Variants in SLIT2 observed in about 807,000 individuals in gnomAD.
SLIT2 encodes slit homolog 2 protein.
In SLIT2, 41 loss-of-function variants were observed where a neutral mutation model predicts 185.7. That is an observed-to-expected ratio of 0.22 (90% CI 0.17 to 0.29). SLIT2 has a LOEUF of 0.29. Ranked by LOEUF, SLIT2 falls within the 10% of genes least tolerant of loss-of-function variation. The pLI, the probability that SLIT2 is intolerant of heterozygous loss-of-function variation, is 1.00. For missense variants in SLIT2, 1,571 were observed against 1,909.0 expected, an observed-to-expected ratio of 0.82 and a Z score of 3.30; for synonymous variants, 693 against 680.2, an observed-to-expected ratio of 1.02 and a Z score of -0.29.
intron 4 of SLIT2, among the ~76,000 whole-genome samples, chr4:20,402,026 C>G (rs113042171): frequency 7.9e-5 from 12 of 151,582 alleles, no homozygotes; most frequent in African/African-American, 2.7e-4. Flanking sequence ...CTCCTTTGCT[C>G]TAGGGGAAAG....
intron 5 of SLIT2, among the ~76,000 whole-genome samples, chr4:20,470,222 A>G (rs552224986): frequency 5.9e-5 from 9 of 152,306 alleles, no homozygotes; most frequent in South Asian, 4.1e-4. Context: ...TAAAAAATGC[A>G]TCATAAGGGG....
intron 4 of SLIT2, among the ~76,000 whole-genome samples, chr4:20,356,626 C>T (rs189590730): frequency 1.3e-5 from 2 of 152,154 alleles, no homozygotes; most frequent in African/African-American, 4.8e-5. Context: ...GTATTTCTCC[C>T]TGTATTACTC....
Position 20,425,360 on chromosome 4 carries a change from C to G in SLIT2, c.396-42392C>G, listed in dbSNP as rs543993049. On this transcript the variant is annotated intron_variant, in intron 4 of 36. Transcript: ENST00000504154. The stretch of plus-strand genomic sequence containing the variant: ...CCAGCCTGGGAGATAGAGCGAGACA[C>G]TATCAAAAAAATAAATAAATAAACA... Among the ~76,000 whole-genome samples the G allele has an allele frequency of 4.6e-5, 7 of 152,112 alleles. No homozygotes were observed. The East Asian group carries it at 1.2e-3, about 25-fold the overall frequency.
At chr4:20,513,740 G>C (rs577318436) in intron 11 of SLIT2, among the ~76,000 whole-genome samples, 47 of 151,764 alleles carry the variant, frequency 3.1e-4, no homozygotes, top group African/African-American at 1.1e-3. Flanking sequence ...TGTGGTTGGC[G>C]GGGGGAAGCT....
At chr4:20,486,372 G>A (rs1203400966) in intron 7 of SLIT2, 101 bp downstream of exon 7, 2 of 693,764 alleles carry the variant, frequency 2.9e-6, no homozygotes, top group South Asian at 1.9e-5. Flanking sequence ...GGTTTACAAG[G>A]TAGACAAGGA....
chr4:20,323,602 A>G (rs1395624973), intron 4 of SLIT2, among the ~76,000 whole-genome samples: 2 of 152,216 alleles, frequency 1.3e-5, no homozygotes, highest in Non-Finnish European at 2.9e-5. Flanking sequence ...AACATATACA[A>G]TACCGGCCTC....
intron 3 of SLIT2, among the ~76,000 whole-genome samples, chr4:20,266,680 G>A (rs1331621272): frequency 2.0e-5 from 3 of 151,990 alleles, no homozygotes; most frequent in Non-Finnish European, 4.4e-5. Flanking sequence ...GGGAAGAAGG[G>A]AGGGAATACA....
intron 4 of SLIT2, among the ~76,000 whole-genome samples, chr4:20,355,977 A>T (rs1172164084): frequency 6.6e-6 from 1 of 152,154 alleles, no homozygotes; most frequent in Non-Finnish European, 1.5e-5. Flanking sequence ...CTAGCATTAT[A>T]AAAAATATAA....
chr4:20,448,858 G>C (rs1480031109), intron 4 of SLIT2, among the ~76,000 whole-genome samples: 2 of 151,842 alleles, frequency 1.3e-5, no homozygotes, highest in African/African-American at 4.8e-5. Context: ...GGATGGTCTC[G>C]ATCTCTTGAC....
chr4:20,502,189 A>G (rs1253619543), intron 9 of SLIT2, among the ~76,000 whole-genome samples: 2 of 152,220 alleles, frequency 1.3e-5, no homozygotes, highest in East Asian at 3.8e-4. Flanking sequence ...GTTGAGAAGT[A>G]AAACTGAATA....
chr4:20,486,358 C>T lies in SLIT2; in HGVS notation c.611+87C>T, dbSNP rs922572250. The T allele has an allele frequency of 5.2e-6, 4 of 763,092 alleles. No individual in the cohort carries two copies. In the African/African-American group the frequency reaches 5.3e-5, roughly 10 times the overall value. The allele number at this position is 763,092 out of a possible 1,614,324, so 47.3% of individuals were successfully genotyped here. A position where few individuals can be genotyped will look rare whatever the true frequency, so the allele number is the denominator to read the frequency against. On this transcript the variant is annotated intron_variant, in intron 7 of 36. Coordinates refer to ENST00000504154, the MANE Select transcript of SLIT2 (RefSeq NM_004787.4). The stretch of plus-strand genomic sequence containing the variant: ...ATGTTCAGTAAGCAAAGGACAGGAC[C>T]ACTGGTTTACAAGGTAGACAAGGAA...
At chr4:20,274,987 G>A (rs769893826) in intron 4 of SLIT2, among the ~76,000 whole-genome samples, 2 of 152,038 alleles carry the variant, frequency 1.3e-5, no homozygotes, top group Admixed American at 6.6e-5. Flanking sequence ...TTCATTGAGA[G>A]TGATCAAATA....
intron 9 of SLIT2, among the ~76,000 whole-genome samples, chr4:20,493,862 A>T (rs1577779581): frequency 6.6e-6 from 1 of 152,244 alleles, no homozygotes; most frequent in African/African-American, 2.4e-5. Flanking sequence ...TAGTGAATGA[A>T]ACTACAGAGA....
At chr4:20,494,863 G>A (rs6844933) in intron 9 of SLIT2, among the ~76,000 whole-genome samples, 3,631 of 151,980 alleles carry the variant, frequency 0.024, 111 homozygotes, top group African/African-American at 0.07. Flanking sequence ...AAATTTTGGA[G>A]TAATTAACAT....
intron 12 of SLIT2, among the ~76,000 whole-genome samples, chr4:20,520,359 TTGG>T (rs1720733416): frequency 1.3e-5 from 2 of 152,198 alleles, no homozygotes; most frequent in African/African-American, 4.8e-5. Context: ...ATATTAAAAC[TTGG>T]TGGTTAATCA....
intron 4 of SLIT2, among the ~76,000 whole-genome samples, chr4:20,354,902 T>TGAGAGAGAGAGA (rs766444200): frequency 1.9e-5 from 2 of 106,422 alleles, no homozygotes; most frequent in African/African-American, 3.1e-5. Context: ...TGTGTGTGTG[T>TGAGAGAGAGAGA]GTGTGAGAGA....
intron 4 of SLIT2, among the ~76,000 whole-genome samples, chr4:20,278,083 A>G (rs1200594490): frequency 6.6e-5 from 10 of 152,132 alleles, no homozygotes; most frequent in African/African-American, 2.2e-4. Flanking sequence ...GTTCAAATAT[A>G]TGAAACTTAA....
chr4:20,472,255 G>GATATATATATCTATATAT (rs1191025385), intron 5 of SLIT2, among the ~76,000 whole-genome samples: 9 of 21,896 alleles, frequency 4.1e-4, no homozygotes, highest in Non-Finnish European at 6.9e-4. Flanking sequence ...TCTATATATA[G>GATATATATATCTATATAT]ATCTATATAT....
intron 15 of SLIT2, among the ~76,000 whole-genome samples, chr4:20,526,488 A>C (rs918471008): frequency 2.6e-5 from 4 of 152,180 alleles, no homozygotes. Context: ...ATAAAACATT[A>C]ATATGATTTA....
Sources: gnomAD v4.1 joint callset for allele counts (sites outside exome capture counted in the v4.1 genomes callset) on GRCh38, gnomAD v4.1.1 for gene constraint, MANE v1.5 for transcripts, NCBI Gene and HGNC (gene_info 2026-07-23, HGNC 2026-07-21) for gene names.